NKX6-2: variants seen among roughly 807,000 people sequenced by gnomAD.
NKX6-2 encodes homeobox protein Nkx-6.2.
A neutral mutation model predicts 19.9 loss-of-function variants in NKX6-2; 22 were observed. The ratio of observed to expected loss-of-function variants is 1.10; its 90% CI spans 0.79 to 1.58. The LOEUF (loss-of-function observed/expected upper bound fraction) is 1.58, where lower values mean the gene tolerates loss of function less well. Ranked by LOEUF, NKX6-2 falls within the 40% of genes most tolerant of loss-of-function variation. The pLI, the probability that NKX6-2 is intolerant of heterozygous loss-of-function variation, is 0.00. For synonymous variants in NKX6-2, 257 were observed against 204.0 expected, an observed-to-expected ratio of 1.26 and a Z score of -2.21; for missense variants, 475 against 410.6, an observed-to-expected ratio of 1.16 and a Z score of -1.35.
Position 132,784,984 on chromosome 10 carries a change from T to C in NKX6-2, c.766A>G (p.Lys256Glu). 4 of 1,612,816 alleles carry C rather than the reference T, an allele frequency of 2.5e-6. No individual in the cohort carries two copies. In the South Asian group the frequency reaches 3.3e-5, roughly 13 times the overall value. Residue 256 changes from lysine to glutamate, a missense_variant, in exon 3 of 3, where the codon AAG becomes GAG. Coordinates refer to ENST00000368592, the MANE Select transcript of NKX6-2 (RefSeq NM_177400.3). The part of the protein sequence containing the change: ...SDDEKITRLL[K>E]KHKPSNLALV... ...GCCAAGTTCGAGGGTTTGTGCTTCT[T>C]GAGCAGCCGCGTGATCTTCTCGTCG...
rs1847254899 is a variant in NKX6-2 at position 132,785,634 on chromosome 10, C to T, written c.315G>A (p.Lys105=). 1.6e-6 allele frequency: 2 copies of T among 1,251,510 alleles called. No homozygotes were observed. The highest frequency in any genetic ancestry group is 3.1e-5 in the South Asian group (1 of 32,630). 77.5% of individuals were successfully genotyped at this position (1,251,510 alleles called of 1,614,324 possible). A position where few individuals can be genotyped will look rare whatever the true frequency, so the allele number is the denominator to read the frequency against. The change falls in exon 1 of 3, where the codon AAG becomes AAA. Residue 105 remains lysine, a synonymous_variant. Transcript: ENST00000368592. The surrounding 1 kb of genome is among the most constrained non-coding windows in gnomAD (Gnocchi z 5.5). Reference sequence around the variant, plus strand: ...GGCGCCCCGGCAGCTCGGCCAGGGGCTTGGGGTAGCCGCGCGCCACAGCGG... The same window carrying T: ...GGCGCCCCGGCAGCTCGGCCAGGGGTTTGGGGTAGCCGCGCGCCACAGCGG... ...PAAAVARGYP[K]PLAELPGRPP... is the part of the protein sequence containing the mutation.
In NKX6-2 at chr10:132,785,302, C is replaced by T. The variant is rs751679232; in HGVS notation, c.557G>A (p.Gly186Asp). ...PERARLAYSL[G>D]MTESQVKVWF... ...CACCTTCACCTGGCTCTCGGTCATG[C>T]CCAGCGAGTAGGCGAGACGCGCGCG... The change falls in exon 2 of 3, where the codon GGC becomes GAC. Residue 186 changes from glycine (G) to aspartate (D), a missense_variant. Gly to Asp is a moderately conservative substitution (Grantham distance 94). Transcript: ENST00000368592. The surrounding 1 kb of genome is among the most constrained non-coding windows in gnomAD (Gnocchi z 5.5). 2 of 1,606,322 alleles carry T rather than the reference C, an allele frequency of 1.2e-6. No homozygotes were observed. Among genetic ancestry groups the T allele is most frequent in the East Asian group, 2.3e-5 (1 of 44,120 alleles).
chr10:132,784,598 G>A lies in NKX6-2; in HGVS notation c.*318C>T. On this transcript the variant is annotated 3_prime_UTR_variant, in exon 3 of 3. Coordinates refer to ENST00000368592, the MANE Select transcript of NKX6-2 (RefSeq NM_177400.3). Reference sequence around the variant, plus strand: ...TCCCCGGCTCCGTCCCGGGCTCCTGGCGGCTGTCGCTGCGGTTCCTTCCCG... The same window carrying A: ...TCCCCGGCTCCGTCCCGGGCTCCTGACGGCTGTCGCTGCGGTTCCTTCCCG... The A allele has an allele frequency of 3.4e-6, 1 of 290,970 alleles. No homozygotes were observed. 18.0% of individuals were successfully genotyped at this position (290,970 alleles called of 1,614,324 possible). A position where few individuals can be genotyped will look rare whatever the true frequency, so the allele number is the denominator to read the frequency against.
In NKX6-2 at chr10:132,784,713, G is replaced by A; in HGVS notation, c.*203C>T. 1.8e-6 allele frequency: 1 copy of A among 549,186 alleles called. No individual in the cohort carries two copies. Among genetic ancestry groups the A allele is most frequent in the South Asian group, 2.4e-5 (1 of 42,058 alleles). 34.0% of individuals were successfully genotyped at this position (549,186 alleles called of 1,614,324 possible). The stretch of plus-strand genomic sequence containing the variant: ...GCACCGGGAACCCGGAGGACCCGAG[G>A]CGGGCGCAGGGGCGAAGCCGGGGCC... On this transcript the variant is annotated 3_prime_UTR_variant, in exon 3 of 3. Coordinates refer to ENST00000368592, the MANE Select transcript of NKX6-2 (RefSeq NM_177400.3).
Position 132,785,958 on chromosome 10 carries a change from CG to C in NKX6-2, c.-11del. 1.0e-6 allele frequency: 1 copy of C among 1,002,510 alleles called. No homozygotes were observed. The highest frequency in any genetic ancestry group is 1.3e-6 in the Non-Finnish European group (1 of 778,194). 62.1% of individuals were successfully genotyped at this position (1,002,510 alleles called of 1,614,324 possible). On this transcript the variant is annotated 5_prime_UTR_variant, in exon 1 of 3. Transcript: ENST00000368592. This position sits in a 1 kb window ranked among gnomAD's most constrained non-coding sequence, Gnocchi z 5.5. Reference sequence around the variant, plus strand: ...GGCGGTTAGTGTCCATGGGCGCCGCCGCCGCCGGCCCGGGCTCCCATCCGGG... The same window carrying C: ...GGCGGTTAGTGTCCATGGGCGCCGCCCCGCCGGCCCGGGCTCCCATCCGGG...
chr10:132,785,320 C>G lies in NKX6-2; in HGVS notation c.539G>C (p.Arg180Pro). The G allele has an allele frequency of 6.2e-7, 1 of 1,606,044 alleles. No individual in the cohort carries two copies. Among genetic ancestry groups the G allele is most frequent in the Non-Finnish European group, 8.5e-7 (1 of 1,177,470 alleles). Residue 180 changes from arginine to proline, a missense_variant, in exon 2 of 3, where the codon CGT becomes CCT. Physicochemically the swap from Arg to Pro is moderately radical, Grantham distance 103. Coordinates refer to ENST00000368592, the MANE Select transcript of NKX6-2 (RefSeq NM_177400.3). The surrounding 1 kb of genome is among the most constrained non-coding windows in gnomAD (Gnocchi z 5.5). ...GGTCATGCCCAGCGAGTAGGCGAGA[C>G]GCGCGCGCTCCGGGCCCGCCAGGTA... ...TKYLAGPERA[R>P]LAYSLGMTES...
At position 132,785,460 on chromosome 10, in the gene NKX6-2, G is replaced by A; in HGVS notation, c.407-8C>T. ...GGACGCCGCCGGCCGGGGCTGCAAG[G>A]GAGGGGAAGGGAGGGAGGTCAGCGG... On this transcript the variant is annotated splice_region_variant and splice_polypyrimidine_tract_variant and intron_variant, in intron 1 of 2. Transcript: ENST00000368592. The surrounding 1 kb of genome is among the most constrained non-coding windows in gnomAD (Gnocchi z 5.5). The A allele has an allele frequency of 6.5e-7, 1 of 1,549,782 alleles. No homozygotes were observed. Among genetic ancestry groups the A allele is most frequent in the Non-Finnish European group, 8.7e-7 (1 of 1,148,750 alleles).
rs370291753 is a variant in NKX6-2 at position 132,785,392 on chromosome 10, G to A, written c.467C>T (p.Ser156Leu). The A allele has an allele frequency of 6.2e-6, 10 of 1,603,536 alleles. No individual in the cohort carries two copies. Among genetic ancestry groups the A allele is most frequent in the South Asian group, 1.1e-5 (1 of 89,892 alleles). ...GKKKHSRPTF[S>L]GQQIFALEKT... ...CTCCAGCGCGAAGATCTGCTGGCCCGAGAAGGTCGGGCGCGAGTGCTTCTT... is the reference window on the plus strand; with the variant it reads ...CTCCAGCGCGAAGATCTGCTGGCCCAAGAAGGTCGGGCGCGAGTGCTTCTT... The change falls in exon 2 of 3, where the codon TCG (serine) becomes TTG (leucine). Residue 156 changes from serine to leucine, a missense_variant. Physicochemically the swap from Ser to Leu is moderately radical, Grantham distance 145. Coordinates refer to ENST00000368592, the MANE Select transcript of NKX6-2 (RefSeq NM_177400.3). This position sits in a 1 kb window ranked among gnomAD's most constrained non-coding sequence, Gnocchi z 5.5.
At position 132,783,603 on chromosome 10, in the gene NKX6-2, CTG is replaced by C. The variant is rs1847206002; in HGVS notation, c.*1311_*1312del. On this transcript the variant is annotated 3_prime_UTR_variant, in exon 3 of 3. Transcript: ENST00000368592. Reference sequence around the variant, plus strand: ...GCTCATTAGAAATCCTGGAATTTCACTGTATCACACGCTGTCACAAAACACTA... The same window carrying C: ...GCTCATTAGAAATCCTGGAATTTCACTATCACACGCTGTCACAAAACACTA... 6.6e-6 allele frequency: 1 copy of C among 152,256 alleles called. No homozygotes were observed. The highest frequency in any genetic ancestry group is 1.5e-5 in the Non-Finnish European group (1 of 68,040). 9.4% of individuals were successfully genotyped at this position (152,256 alleles called of 1,614,324 possible). A position where few individuals can be genotyped will look rare whatever the true frequency, so the allele number is the denominator to read the frequency against.
Position 132,785,403 on chromosome 10 carries a change from G to C in NKX6-2, c.456C>G (p.Arg152=), listed in dbSNP as rs760892833. ...LDKDGKKKHS[R]PTFSGQQIFA... is the part of the protein sequence containing the mutation. Reference sequence around the variant, plus strand: ...AGATCTGCTGGCCCGAGAAGGTCGGGCGCGAGTGCTTCTTCTTCCCGTCCT... The same window carrying C: ...AGATCTGCTGGCCCGAGAAGGTCGGCCGCGAGTGCTTCTTCTTCCCGTCCT... Residue 152 remains arginine, a synonymous_variant, in exon 2 of 3, where the codon CGC becomes CGG. Transcript: ENST00000368592. The surrounding 1 kb of genome is among the most constrained non-coding windows in gnomAD (Gnocchi z 5.5). The C allele has an allele frequency of 6.2e-7, 1 of 1,600,652 alleles. No homozygotes were observed. The highest frequency in any genetic ancestry group is 1.4e-5 in the African/African-American group (1 of 72,768).
rs993360293 is a variant in NKX6-2 at position 132,783,830 on chromosome 10, G to C, written c.*1086C>G. 6.6e-6 allele frequency: 1 copy of C among 152,230 alleles called. No individual in the cohort carries two copies. Among genetic ancestry groups the C allele is most frequent in the Non-Finnish European group, 1.5e-5 (1 of 68,048 alleles). 9.4% of individuals were successfully genotyped at this position (152,230 alleles called of 1,614,324 possible). A position where few individuals can be genotyped will look rare whatever the true frequency, so the allele number is the denominator to read the frequency against. On this transcript the variant is annotated 3_prime_UTR_variant, in exon 3 of 3. Coordinates refer to ENST00000368592, the MANE Select transcript of NKX6-2 (RefSeq NM_177400.3). Reference sequence around the variant, plus strand: ...CTTCGAGTTGCTTCCTTGTAAAGAAGGCTGCTAAGAGCCTAAAACAAAACG... The same window carrying C: ...CTTCGAGTTGCTTCCTTGTAAAGAACGCTGCTAAGAGCCTAAAACAAAACG...
chr10:132,785,909 C>T lies in NKX6-2; in HGVS notation c.40G>A (p.Ala14Thr), dbSNP rs1338485294. 1.1e-5 allele frequency: 15 copies of T among 1,346,906 alleles called. 2 individuals carry two copies. Among genetic ancestry groups the T allele is most frequent in the African/African-American group, 7.6e-5 (5 of 66,156 alleles). The allele number at this position is 1,346,906 out of a possible 1,614,324, so 83.4% of individuals were successfully genotyped here. ...NRPGAFVLSS[A>T]PLAALHNMAE... ...ATGTTGTGCAGCGCGGCCAGCGGGG[C>T]ACTGCTCAGCACGAACGCGCCCGGG... Residue 14 changes from alanine to threonine, a missense_variant, in exon 1 of 3, where the codon GCC becomes ACC. Coordinates refer to ENST00000368592, the MANE Select transcript of NKX6-2 (RefSeq NM_177400.3). This position sits in a 1 kb window ranked among gnomAD's most constrained non-coding sequence, Gnocchi z 5.5.
At position 132,786,071 on chromosome 10, in the gene NKX6-2, CG is replaced by C. The variant is rs886382958; in HGVS notation, c.-124del. On this transcript the variant is annotated 5_prime_UTR_variant, in exon 1 of 3. Coordinates refer to ENST00000368592, the MANE Select transcript of NKX6-2 (RefSeq NM_177400.3). ...CGGCTGCAGCGCGGGGCGCGGGGCG[CG>C]GGGGGCGGGCGGGCGGCTCCGGCGC... 2.1e-5 allele frequency: 3 copies of C among 145,164 alleles called. No homozygotes were observed. Among genetic ancestry groups the C allele is most frequent in the African/African-American group, 8.2e-5 (3 of 36,734 alleles). 9.0% of individuals were successfully genotyped at this position (145,164 alleles called of 1,614,324 possible). A position where few individuals can be genotyped will look rare whatever the true frequency, so the allele number is the denominator to read the frequency against.
At position 132,785,241 on chromosome 10, in the gene NKX6-2, G is replaced by T; in HGVS notation, c.579+39C>A. 1 of 1,584,342 alleles carries T rather than the reference G, an allele frequency of 6.3e-7. No individual in the cohort carries two copies. ...GCGCTGGGGCCGTTCGCAGGACGCG[G>T]GCCCCCGGCTCTGCTCTCCCGAGCC... is the stretch of plus-strand genomic sequence containing the variant. On this transcript the variant is annotated intron_variant, in intron 2 of 2. Transcript: ENST00000368592. The surrounding 1 kb of genome is among the most constrained non-coding windows in gnomAD (Gnocchi z 5.5).
Position 132,784,847 on chromosome 10 carries a change from G to A in NKX6-2, c.*69C>T. ...TTAAATAATTTATTGATGATACAAA[G>A]CGACTCGCGCCCACCCGGGGCCGCC... On this transcript the variant is annotated 3_prime_UTR_variant, in exon 3 of 3. Coordinates refer to ENST00000368592, the MANE Select transcript of NKX6-2 (RefSeq NM_177400.3). The A allele has an allele frequency of 1.6e-6, 2 of 1,223,330 alleles. No individual in the cohort carries two copies. Among genetic ancestry groups the A allele is most frequent in the Non-Finnish European group, 2.3e-6 (2 of 853,570 alleles). The allele number at this position is 1,223,330 out of a possible 1,614,324, so 75.8% of individuals were successfully genotyped here.
rs1183824886 is a variant in NKX6-2, at chr10:132,784,781, C to T, written c.*135G>A. 4.2e-6 allele frequency: 3 copies of T among 706,220 alleles called. No homozygotes were observed. Among genetic ancestry groups the T allele is most frequent in the Non-Finnish European group, 6.9e-6 (3 of 433,438 alleles). The allele number at this position is 706,220 out of a possible 1,614,324, so 43.7% of individuals were successfully genotyped here. The stretch of plus-strand genomic sequence containing the variant: ...CTCCGGGTTCGAGACGGAAGAAACA[C>T]GCGGCGCAGGCTCCGGAGCGACGGC... On this transcript the variant is annotated 3_prime_UTR_variant, in exon 3 of 3. Coordinates refer to ENST00000368592, the MANE Select transcript of NKX6-2 (RefSeq NM_177400.3).
Position 132,785,612 on chromosome 10 carries a change from G to GGCA in NKX6-2, c.336_337insTGC (p.Gly112_Arg113insCys). 1.6e-6 allele frequency: 2 copies of GGCA among 1,244,360 alleles called. No individual in the cohort carries two copies. The allele number at this position is 1,244,360 out of a possible 1,614,324, so 77.1% of individuals were successfully genotyped here. ...ACGCCGGGCCAGAAGATGGGCGGGC[G>GGCA]CCCCGGCAGCTCGGCCAGGGGCTTG... is the stretch of plus-strand genomic sequence containing the variant. On this transcript the variant is annotated inframe_insertion, in exon 1 of 3. Coordinates refer to ENST00000368592, the MANE Select transcript of NKX6-2 (RefSeq NM_177400.3). This position sits in a 1 kb window ranked among gnomAD's most constrained non-coding sequence, Gnocchi z 5.5.
Position 132,785,775 on chromosome 10 carries a change from G to T in NKX6-2, c.174C>A (p.His58Gln). 3 of 1,306,108 alleles carry T rather than the reference G, an allele frequency of 2.3e-6. No homozygotes were observed. The highest frequency in any genetic ancestry group is 2.9e-6 in the Non-Finnish European group (3 of 1,027,494). The allele number at this position is 1,306,108 out of a possible 1,614,324, so 80.9% of individuals were successfully genotyped here. Residue 58 changes from histidine to glutamine, a missense_variant, in exon 1 of 3, where the codon CAC becomes CAA. His to Gln is a conservative substitution (Grantham distance 24). Transcript: ENST00000368592. The surrounding 1 kb of genome is among the most constrained non-coding windows in gnomAD (Gnocchi z 5.5). ...GCCGGCCCAGGATGTCGCTGATGCC[G>T]TGCGGGGTCCCGAGCGGGAGCTGCG... is the stretch of plus-strand genomic sequence containing the variant. Reference protein sequence around the residue: ...LGAQLPLGTPHGISDILGRPV... With the variant: ...LGAQLPLGTPQGISDILGRPV...
In NKX6-2 at chr10:132,785,561, G is replaced by C; in HGVS notation, c.388C>G (p.Pro130Ala). 7.4e-7 allele frequency: 1 copy of C among 1,354,776 alleles called. No individual in the cohort carries two copies. Among genetic ancestry groups the C allele is most frequent in the Non-Finnish European group, 9.4e-7 (1 of 1,060,208 alleles). The allele number at this position is 1,354,776 out of a possible 1,614,324, so 83.9% of individuals were successfully genotyped here. The change falls in exon 1 of 3, where the codon CCG (proline) becomes GCG (alanine). Residue 130 changes from proline to alanine, a missense_variant. Transcript: ENST00000368592. This position sits in a 1 kb window ranked among gnomAD's most constrained non-coding sequence, Gnocchi z 5.5. ...GVVQGAPWRD[P>A]RLAGPAPAGG... ...CACTCACCCGGGCCAGCCAGACGCG[G>C]GTCCCTCCAGGGCGCGCCCTGCACC...
Sources: allele counts gnomAD v4.1 joint callset, GRCh38; gene constraint gnomAD v4.1.1; non-coding constraint Gnocchi (gnomAD v3.1); transcripts MANE v1.5; gene names NCBI Gene and HGNC (gene_info 2026-07-23, HGNC 2026-07-21).